EYA4: variants seen among roughly 807,000 people sequenced by gnomAD.
EYA4 encodes the protein protein phosphatase EYA4.
In EYA4, 31 loss-of-function variants were observed where a neutral mutation model predicts 87.9. The observed-to-expected ratio is 0.35, with a 90% CI of 0.27 to 0.48. The LOEUF (loss-of-function observed/expected upper bound fraction) is 0.48, where lower values mean the gene tolerates loss of function less well. EYA4 is among the 20% of genes least tolerant of loss of function. EYA4 has a pLI of 0.99. For synonymous variants in EYA4, 263 were observed against 270.6 expected (o/e 0.97, Z 0.28); for missense variants, 678 against 761.4 (o/e 0.89, Z 1.29).
At position 133,284,404 on chromosome 6, in the gene EYA4, C is replaced by A. The variant is rs978857699; in HGVS notation, c.33+9591C>A. 5.3e-5 allele frequency among the ~76,000 whole-genome samples: 8 copies of A among 152,084 alleles called. 1 individual carries two copies. The highest frequency in any genetic ancestry group is 5.2e-4 in the Admixed American group (8 of 15,274). On this transcript the variant is annotated intron_variant, in intron 2 of 19. Transcript: ENST00000355286. The stretch of plus-strand genomic sequence containing the variant: ...GGCTAGGCTGGTTTTGAACTCCTGG[C>A]CTCATGTGATCCACCTGCCTTGACC...
intron 11 of EYA4, among the ~76,000 whole-genome samples, chr6:133,476,773 G>T (rs1795776919): frequency 6.6e-6 from 1 of 152,108 alleles, no homozygotes; most frequent in South Asian, 2.1e-4. Flanking sequence ...ACCCAGCGGT[G>T]TGATTGCTGG....
chr6:133,399,986 A>G (rs1006369963), intron 3 of EYA4, among the ~76,000 whole-genome samples: 1 of 152,228 alleles, frequency 6.6e-6, no homozygotes, highest in African/African-American at 2.4e-5. Context: ...TTCAAATTTC[A>G]TACTATTTAT....
chr6:133,404,906 C>T (rs1215127022), intron 3 of EYA4, among the ~76,000 whole-genome samples: 3 of 152,230 alleles, frequency 2.0e-5, no homozygotes, highest in African/African-American at 7.2e-5. Flanking sequence ...CTTGATTCAA[C>T]ATCTACGATT....
At chr6:133,285,701 A>T (rs971045311) in intron 2 of EYA4, among the ~76,000 whole-genome samples, 1 of 152,238 alleles carries the variant, frequency 6.6e-6, no homozygotes, top group African/African-American at 2.4e-5. Flanking sequence ...TGGCTATTTT[A>T]ACTATCCAGA....
intron 2 of EYA4, among the ~76,000 whole-genome samples, chr6:133,325,785 T>C (rs1781455769): frequency 6.6e-6 from 1 of 152,194 alleles, no homozygotes; most frequent in Non-Finnish European, 1.5e-5. Context: ...CCAGCTCTAC[T>C]GTTGCAATGA....
intron 1 of EYA4, among the ~76,000 whole-genome samples, chr6:133,245,416 C>T (rs995459752): frequency 6.6e-6 from 1 of 152,116 alleles, no homozygotes; most frequent in Non-Finnish European, 1.5e-5. Flanking sequence ...GGATATTATT[C>T]TTACATGTAC....
intron 2 of EYA4, among the ~76,000 whole-genome samples, chr6:133,355,843 G>A (rs1783977401): frequency 2.0e-5 from 3 of 152,088 alleles, no homozygotes; most frequent in South Asian, 2.1e-4. Flanking sequence ...CAAAATTGTT[G>A]TATTACATAG....
chr6:133,386,551 CT>C (rs200629362), intron 3 of EYA4, among the ~76,000 whole-genome samples: 2,287 of 152,206 alleles, frequency 0.015, 49 homozygotes, highest in South Asian at 0.046. Flanking sequence ...TGCTTTTCCT[CT>C]CTTGGGCCAC....
intron 2 of EYA4, among the ~76,000 whole-genome samples, chr6:133,292,632 G>A (rs561464343): frequency 5.2e-4 from 79 of 152,224 alleles, no homozygotes; most frequent in Non-Finnish European, 8.7e-4. Flanking sequence ...TCAGTCCCTG[G>A]TTGCTCTTTG....
At chr6:133,456,186 G>A (rs749771412) in intron 5 of EYA4, among the ~76,000 whole-genome samples, 4 of 152,028 alleles carry the variant, frequency 2.6e-5, no homozygotes, top group Admixed American at 2.0e-4. Flanking sequence ...TAAAATATAA[G>A]CTAGTAAATT....
chr6:133,497,323 G>A (rs151288603), intron 13 of EYA4, among the ~76,000 whole-genome samples: 1,535 of 152,124 alleles, frequency 0.01, 32 homozygotes, highest in African/African-American at 0.035. Context: ...TAACTTTTGT[G>A]TTTTAATTTA....
intron 2 of EYA4, among the ~76,000 whole-genome samples, chr6:133,380,201 C>T (rs1301333749): frequency 6.6e-6 from 1 of 152,060 alleles, no homozygotes; most frequent in Non-Finnish European, 1.5e-5. Context: ...TGAATGAAAC[C>T]TCTAAAAATA....
At chr6:133,486,962 A>G (rs1796736056) in intron 13 of EYA4, among the ~76,000 whole-genome samples, 2 of 152,328 alleles carry the variant, frequency 1.3e-5, no homozygotes. Context: ...GTTTTAACTC[A>G]TATTACTGAA....
intron 2 of EYA4, among the ~76,000 whole-genome samples, chr6:133,292,390 C>T (rs1778557774): frequency 6.6e-6 from 1 of 152,040 alleles, no homozygotes; most frequent in African/African-American, 2.4e-5. Flanking sequence ...TAGTTTTATT[C>T]TTGCATAATT....
intron 3 of EYA4, among the ~76,000 whole-genome samples, chr6:133,401,380 A>C (rs1788247195): frequency 1.0e-5 from 1 of 97,792 alleles, no homozygotes; most frequent in South Asian, 3.4e-4. Flanking sequence ...TACATTTCAA[A>C]ATCTCTAAAA....
intron 2 of EYA4, among the ~76,000 whole-genome samples, chr6:133,288,923 G>A (rs1778274293): frequency 6.6e-6 from 1 of 152,168 alleles, no homozygotes; most frequent in Admixed American, 6.5e-5. Context: ...AAGGTTACTG[G>A]TGGCCCTTCA....
At chr6:133,448,873 G>A (rs776568549) in intron 5 of EYA4, among the ~76,000 whole-genome samples, 1 of 152,130 alleles carries the variant, frequency 6.6e-6, no homozygotes, top group Non-Finnish European at 1.5e-5. Flanking sequence ...CCACCCAGTT[G>A]TAGAATCAAA....
intron 3 of EYA4, among the ~76,000 whole-genome samples, chr6:133,445,532 T>C (rs1388725063): frequency 6.6e-6 from 1 of 151,988 alleles, no homozygotes; most frequent in Non-Finnish European, 1.5e-5. Context: ...GTGTAGCTTC[T>C]TTGGGCTACT....
intron 13 of EYA4, among the ~76,000 whole-genome samples, chr6:133,493,660 C>T (rs981850359): frequency 9.2e-5 from 14 of 152,018 alleles, no homozygotes; most frequent in Admixed American, 8.5e-4. Context: ...AGAGATAATC[C>T]ACAGAATAGG....
Sources: allele counts gnomAD v4.1 joint callset (sites outside exome capture counted in the v4.1 genomes callset), GRCh38; gene constraint gnomAD v4.1.1; transcripts MANE v1.5; gene names NCBI Gene and HGNC (gene_info 2026-07-23, HGNC 2026-07-21).